The following SLC16A7 variants were observed in gnomAD, a reference collection of about 807,000 sequenced individuals.
SLC16A7 encodes the protein solute carrier family 16 member 7.
Under a neutral mutation model 34.9 loss-of-function variants are expected in SLC16A7, and 33 were observed. The ratio of observed to expected loss-of-function variants is 0.94; its 90% confidence interval spans 0.72 to 1.26. SLC16A7 has a LOEUF of 1.26. SLC16A7 is among the 50% of genes most tolerant of loss of function. SLC16A7 has a pLI of 0.00. For missense variants in SLC16A7, 573 were observed against 578.1 expected (o/e 0.99, Z 0.09); for synonymous variants, 201 against 206.6 (o/e 0.97, Z 0.23).
At chr12:59,720,894 G>C (rs150311360) in intron 3 of SLC16A7, among the ~76,000 whole-genome samples, 1 of 152,002 alleles carries the variant, frequency 6.6e-6, no homozygotes, top group East Asian at 1.9e-4. Flanking sequence ...CTAAACTTCA[G>C]ATTCAATTAA....
intron 3 of SLC16A7, among the ~76,000 whole-genome samples, chr12:59,765,293 T>G (rs1881478314): frequency 6.6e-6 from 1 of 152,212 alleles, no homozygotes; most frequent in Admixed American, 6.5e-5. Flanking sequence ...GCCTGTTCAC[T>G]CTGATGGTAG....
intron 2 of SLC16A7, among the ~76,000 whole-genome samples, chr12:59,704,199 CAA>C (rs34021022): frequency 0.015 from 752 of 51,546 alleles, 1 homozygote; most frequent in Non-Finnish European, 0.021. Context: ...GACTCTGTCT[CAA>C]AAAAAAAAAA....
intron 3 of SLC16A7, among the ~76,000 whole-genome samples, chr12:59,752,226 TCA>T (rs1879671731): frequency 6.6e-6 from 1 of 152,118 alleles, no homozygotes; most frequent in South Asian, 2.1e-4. Flanking sequence ...ACGCAGCTCC[TCA>T]CCAGCAATGG....
At chr12:59,628,784 C>A (rs1355387008) in intron 1 of SLC16A7, among the ~76,000 whole-genome samples, 1 of 151,746 alleles carries the variant, frequency 6.6e-6, no homozygotes, top group African/African-American at 2.4e-5. Flanking sequence ...GCCCATCTAG[C>A]CTTTGAATTG....
intron 3 of SLC16A7, among the ~76,000 whole-genome samples, chr12:59,722,207 A>T (rs1278437824): frequency 1.3e-5 from 2 of 151,922 alleles, no homozygotes; most frequent in Non-Finnish European, 2.9e-5. Flanking sequence ...GGTCAAAAAC[A>T]TTGGAGCCAT....
intron 1 of SLC16A7, among the ~76,000 whole-genome samples, chr12:59,617,072 T>A (rs959250867): frequency 6.6e-6 from 1 of 152,064 alleles, no homozygotes; most frequent in Non-Finnish European, 1.5e-5. Flanking sequence ...ATGAATAAAA[T>A]CACTTCTGTA....
At chr12:59,616,662 A>T (rs1425250461) in intron 1 of SLC16A7, among the ~76,000 whole-genome samples, 1 of 152,166 alleles carries the variant, frequency 6.6e-6, no homozygotes, top group Non-Finnish European at 1.5e-5. Context: ...GAGGGTAAAA[A>T]TAGGGAATGT....
intron 3 of SLC16A7, among the ~76,000 whole-genome samples, chr12:59,726,410 C>G (rs979937603): frequency 6.6e-5 from 10 of 151,788 alleles, no homozygotes; most frequent in African/African-American, 1.7e-4. Flanking sequence ...AGTAGATCTT[C>G]CACTTTAAAA....
In SLC16A7 at chr12:59,633,644, G is replaced by GA. The variant is rs111470290; in HGVS notation, c.-129-21496dup. ...ACTACCAGAGACTGGGGTAATTTAT[G>GA]AAAAAAAAAAAAGAGATTTAATTGA... On this transcript the variant is annotated intron_variant, in intron 1 of 5. Coordinates refer to ENST00000547379, the MANE Select transcript of SLC16A7 (RefSeq NM_001270623.2). 3.4e-3 allele frequency among the ~76,000 whole-genome samples: 482 copies of GA among 141,954 alleles called. 3 individuals are homozygous for GA. Among genetic ancestry groups the GA allele is most frequent in the Middle Eastern group, 7.2e-3 (2 of 276 alleles). The allele number at this position is 141,954 out of a possible 152,430, so 93.1% of individuals were successfully genotyped here.
chr12:59,775,099 G>T lies in SLC16A7; in HGVS notation c.804G>T (p.Leu268Phe). 6.2e-7 allele frequency: 1 copy of T among 1,613,972 alleles called. No homozygotes were observed. Among genetic ancestry groups the T allele is most frequent in the Non-Finnish European group, 8.5e-7 (1 of 1,179,982 alleles). The stretch of plus-strand genomic sequence containing the variant: ...GTTTTTTTGCCCCCATTATATTCTT[G>T]GCTCCATATGCTAAAGACCAAGGAA... Reference protein sequence around the residue: ...FLGFFAPIIFLAPYAKDQGID... With the variant: ...FLGFFAPIIFFAPYAKDQGID... Residue 268 changes from leucine to phenylalanine, a missense_variant, in exon 5 of 6, where the codon TTG becomes TTT. By Grantham distance (22) the Leu-to-Phe change is conservative. Transcript: ENST00000547379.
chr12:59,754,922 C>T (rs1880111742), intron 3 of SLC16A7, among the ~76,000 whole-genome samples: 1 of 152,188 alleles, frequency 6.6e-6, no homozygotes, highest in Non-Finnish European at 1.5e-5. Context: ...ATCAAGTGGG[C>T]TTCATCCCTG....
At chr12:59,701,936 T>C (rs1872933652) in intron 2 of SLC16A7, among the ~76,000 whole-genome samples, 1 of 151,768 alleles carries the variant, frequency 6.6e-6, no homozygotes, top group Non-Finnish European at 1.5e-5. Context: ...TAATAAAAGA[T>C]GGTTTAGTTT....
chr12:59,601,454 A>G (rs1038059687), intron 1 of SLC16A7, among the ~76,000 whole-genome samples: 3 of 152,206 alleles, frequency 2.0e-5, no homozygotes, highest in African/African-American at 7.2e-5. Flanking sequence ...AAGTTCCATC[A>G]GTTCTTCTCA....
intron 3 of SLC16A7, among the ~76,000 whole-genome samples, chr12:59,705,780 G>A (rs1169493461): frequency 2.0e-5 from 3 of 151,962 alleles, no homozygotes; most frequent in Non-Finnish European, 2.9e-5. Flanking sequence ...GTCTTTTAGC[G>A]TTTTTATTTT....
chr12:59,726,994 T>C (rs983344208), intron 3 of SLC16A7, among the ~76,000 whole-genome samples: 1 of 151,892 alleles, frequency 6.6e-6, no homozygotes, highest in African/African-American at 2.4e-5. Context: ...ACTAAATTCA[T>C]TTACTTATCT....
At chr12:59,605,508 A>G (rs1204124356) in intron 1 of SLC16A7, among the ~76,000 whole-genome samples, 2 of 152,212 alleles carry the variant, frequency 1.3e-5, no homozygotes, top group African/African-American at 4.8e-5. Context: ...TACAGTGAAG[A>G]GGGATTTTGA....
At chr12:59,690,047 G>C (rs1258209779) in intron 2 of SLC16A7, among the ~76,000 whole-genome samples, 1 of 151,930 alleles carries the variant, frequency 6.6e-6, no homozygotes, top group African/African-American at 2.4e-5. Flanking sequence ...AAAGGATTCT[G>C]TGGCTTTAAA....
chr12:59,626,156 T>A (rs1490126842), intron 1 of SLC16A7, among the ~76,000 whole-genome samples: 2 of 151,816 alleles, frequency 1.3e-5, no homozygotes, highest in South Asian at 4.1e-4. Flanking sequence ...AAAATAATCT[T>A]AATTTTTTTA....
chr12:59,690,324 A>C (rs1871501565), intron 2 of SLC16A7, among the ~76,000 whole-genome samples: 1 of 152,016 alleles, frequency 6.6e-6, no homozygotes, highest in Non-Finnish European at 1.5e-5. Context: ...GTAAGGGAAG[A>C]AAAAAATAAT....
Sources: allele counts gnomAD v4.1 joint callset (sites outside exome capture counted in the v4.1 genomes callset), GRCh38; gene constraint gnomAD v4.1.1; transcripts MANE v1.5; gene names NCBI Gene and HGNC (gene_info 2026-07-23, HGNC 2026-07-21).